The following HLCS variants were observed in gnomAD, a reference collection of about 807,000 sequenced individuals.
HLCS encodes biotin--protein ligase.
HLCS carries 53 observed loss-of-function variants against 75.0 expected under a neutral mutation model. The observed-to-expected ratio is 0.71, with a 90% CI of 0.57 to 0.89. The LOEUF is 0.89. Ranked by LOEUF, HLCS falls within the 40% of genes least tolerant of loss-of-function variation. The probability of loss-of-function intolerance (pLI) is 0.00; values close to 1 mark genes in which losing one functional copy is unlikely to be tolerated. For synonymous variants in HLCS, 431 were observed against 428.6 expected (o/e 1.01, Z -0.07); for missense variants, 966 against 1,074.0 (o/e 0.90, Z 1.41).
At chr21:36,946,575 TTTCTC>T (rs1479355669) in intron 2 of HLCS, among the ~76,000 whole-genome samples, 3 of 152,024 alleles carry the variant, frequency 2.0e-5, no homozygotes, top group African/African-American at 7.2e-5. Context: ...TAGTAGCTCA[TTTCTC>T]TTCTCAGAGT....
At chr21:36,862,403 AT>A (rs2063409815) in intron 6 of HLCS, among the ~76,000 whole-genome samples, 2 of 152,254 alleles carry the variant, frequency 1.3e-5, no homozygotes, top group African/African-American at 4.8e-5. Context: ...TTACATTCCC[AT>A]CAACAGTGTG....
rs762512052 is a variant in HLCS at position 36,938,894 on chromosome 21, C to T, written c.431G>A (p.Gly144Glu). ...GAGTCTATCTTCCATGAACGCCACC[C>T]CCAGCTTGCTGAAGTTGTCCACACT... ...EASVDNFSKL[G>E]VAFMEDRLHM... The change falls in exon 3 of 11, where the codon GGG (glycine) becomes GAG (glutamate). Residue 144 changes from glycine to glutamate, a missense_variant. Physicochemically the swap from Gly to Glu is moderately conservative, Grantham distance 98 (BLOSUM62 -2). Coordinates refer to ENST00000674895, the MANE Select transcript of HLCS (RefSeq NM_001352514.2). 6.2e-7 allele frequency: 1 copy of T among 1,614,064 alleles called. No homozygotes were observed. The highest frequency in any genetic ancestry group is 1.7e-5 in the Admixed American group (1 of 60,012).
At chr21:36,784,279 C>T (rs1426294143) in intron 6 of HLCS, among the ~76,000 whole-genome samples, 1 of 148,648 alleles carries the variant, frequency 6.7e-6, no homozygotes, top group Non-Finnish European at 1.5e-5. Flanking sequence ...TTGCTTTTAT[C>T]AAAACAGAAT....
At chr21:36,947,102 C>T (rs1252615095) in intron 2 of HLCS, among the ~76,000 whole-genome samples, 1 of 152,124 alleles carries the variant, frequency 6.6e-6, no homozygotes, top group Non-Finnish European at 1.5e-5. Context: ...GGAGGAGAAC[C>T]GCTCAGCCAA....
chr21:36,905,087 T>C (rs1201906769), intron 5 of HLCS, among the ~76,000 whole-genome samples: 1 of 152,224 alleles, frequency 6.6e-6, no homozygotes, highest in Admixed American at 6.5e-5. Flanking sequence ...TTATAGCACT[T>C]ATCACGACTA....
At chr21:36,962,288 T>C (rs1006970018) in intron 1 of HLCS, 118 bp from the exon 2 acceptor site, 2 of 613,654 alleles carry the variant, frequency 3.3e-6, no homozygotes, top group Admixed American at 6.4e-5. Flanking sequence ...GAAATAAGCT[T>C]ATCTGATGCT....
intron 1 of HLCS, among the ~76,000 whole-genome samples, chr21:36,963,977 T>C (rs1790661697): frequency 6.6e-6 from 1 of 152,176 alleles, no homozygotes; most frequent in South Asian, 2.1e-4. Context: ...ATCCCAGCAC[T>C]TTGGGAGGCC....
chr21:36,850,217 G>A (rs780563243), intron 6 of HLCS, among the ~76,000 whole-genome samples: 1 of 152,214 alleles, frequency 6.6e-6, no homozygotes, highest in East Asian at 1.9e-4. Context: ...ACTTGGATTT[G>A]CACCTTAACA....
chr21:36,757,605 C>T (rs79912201), intron 9 of HLCS, among the ~76,000 whole-genome samples: 2 of 152,336 alleles, frequency 1.3e-5, no homozygotes, highest in Admixed American at 6.5e-5. Flanking sequence ...CCAAAACATT[C>T]GCCACAGGCA....
chr21:36,881,703 C>A (rs2064223230), intron 6 of HLCS, among the ~76,000 whole-genome samples: 1 of 152,222 alleles, frequency 6.6e-6, no homozygotes, highest in Admixed American at 6.5e-5. Context: ...AAAGAACTGT[C>A]CTCAGGCCAG....
chr21:36,786,128 C>T (rs1448847525), intron 6 of HLCS, among the ~76,000 whole-genome samples: 1 of 152,186 alleles, frequency 6.6e-6, no homozygotes, highest in East Asian at 1.9e-4. Context: ...CCTGAACCTT[C>T]TGGTCTCTTT....
At chr21:36,793,293 G>C (rs1025976305) in intron 6 of HLCS, among the ~76,000 whole-genome samples, 1 of 108,498 alleles carries the variant, frequency 9.2e-6, no homozygotes, top group Non-Finnish European at 2.1e-5. Flanking sequence ...GCAGGAAGCA[G>C]TCTTTTTTTT....
Position 36,912,184 on chromosome 21 carries a change from G to A in HLCS, c.1621-15053C>T, listed in dbSNP as rs910757302. Among the ~76,000 whole-genome samples, 62 of 151,896 alleles carry A rather than the reference G, an allele frequency of 4.1e-4. 1 individual carries two copies. ...GGGACCCAGATATGTGTGTGCCAAT[G>A]ATCATGGCAGCATTATTCACAACAG... is the stretch of plus-strand genomic sequence containing the variant. On this transcript the variant is annotated intron_variant, in intron 5 of 10. Transcript: ENST00000674895.
At chr21:36,876,482 TAC>T (rs2146254813) in intron 6 of HLCS, among the ~76,000 whole-genome samples, 1 of 152,208 alleles carries the variant, frequency 6.6e-6, no homozygotes, top group East Asian at 1.9e-4. Context: ...AAACAGTTCG[TAC>T]TTTCCCTTGT....
chr21:36,863,472 AG>A (rs2063451152), intron 6 of HLCS, among the ~76,000 whole-genome samples: 1 of 152,186 alleles, frequency 6.6e-6, no homozygotes, highest in South Asian at 2.1e-4. Flanking sequence ...TGAGGGTCAC[AG>A]GCGGGGTCAC....
intron 6 of HLCS, among the ~76,000 whole-genome samples, chr21:36,861,800 C>T (rs1385504725): frequency 1.3e-5 from 2 of 152,170 alleles, no homozygotes; most frequent in Admixed American, 6.5e-5. Context: ...ACCATAAATC[C>T]ACCCTTTCAA....
intron 6 of HLCS, among the ~76,000 whole-genome samples, chr21:36,833,311 G>A (rs914621645): frequency 6.0e-5 from 9 of 150,956 alleles, no homozygotes; most frequent in Non-Finnish European, 1.2e-4. Flanking sequence ...TTGGCCGGGT[G>A]CAATGGCTCA....
rs187216188 is a variant in HLCS, at chr21:36,814,772, G to A, written c.1893-47487C>T. 1.3e-4 allele frequency among the ~76,000 whole-genome samples: 20 copies of A among 152,260 alleles called. No individual in the cohort carries two copies. The East Asian group carries it at 1.9e-3, about 15-fold the overall frequency. On this transcript the variant is annotated intron_variant, in intron 6 of 10. Transcript: ENST00000674895. ...ATGTGGGTTCTGATTGGATAGGGTC[G>A]TGGAGTCTGGAATTCTCCATTTCTA... is the stretch of plus-strand genomic sequence containing the variant.
chr21:36,787,829 C>T (rs1569009372), intron 6 of HLCS, among the ~76,000 whole-genome samples: 1 of 152,142 alleles, frequency 6.6e-6, no homozygotes, highest in African/African-American at 2.4e-5. Flanking sequence ...GTCAGGGTTA[C>T]GTAGACACTG....
Sources: allele counts gnomAD v4.1 joint callset (sites outside exome capture counted in the v4.1 genomes callset), GRCh38; gene constraint gnomAD v4.1.1; transcripts MANE v1.5; gene names NCBI Gene and HGNC (gene_info 2026-07-23, HGNC 2026-07-21).